The following CNTN6 variants were observed in gnomAD, a reference collection of about 807,000 sequenced individuals.
CNTN6 encodes the protein contactin-6.
A neutral mutation model predicts 122.8 loss-of-function variants in CNTN6; 137 were observed. The ratio of observed to expected loss-of-function variants is 1.12; its 90% confidence interval spans 0.97 to 1.29. The LOEUF (loss-of-function observed/expected upper bound fraction) is 1.29. Among genes scored for constraint, CNTN6 ranks in the 50% most tolerant of loss-of-function variants. The pLI is 0.00. For synonymous variants in CNTN6, 570 were observed against 426.0 expected, an observed-to-expected ratio of 1.34 and a Z score of -4.16; for missense variants, 1,634 against 1,223.4, an observed-to-expected ratio of 1.34 and a Z score of -5.01.
intron 3 of CNTN6, among the ~76,000 whole-genome samples, chr3:1,227,394 C>T (rs758911941): frequency 8.5e-5 from 13 of 152,188 alleles, no homozygotes; most frequent in East Asian, 3.9e-4. Flanking sequence ...TTATGCTTGC[C>T]GCTTTCAATA....
intron 4 of CNTN6, among the ~76,000 whole-genome samples, chr3:1,245,295 C>A (rs1389485637): frequency 7.9e-4 from 3 of 3,804 alleles, no homozygotes; most frequent in Non-Finnish European, 1.4e-3. Context: ...ATATATATAA[C>A]ATATATATAT....
rs1468892525 is a variant in CNTN6 at position 1,098,795 on chromosome 3, T to C, written c.-83+5675T>C. Among the ~76,000 whole-genome samples, 37 of 103,514 alleles carry C rather than the reference T, an allele frequency of 3.6e-4. No homozygotes were observed. The African/African-American group carries it at 4.8e-3, about 13-fold the overall frequency. The allele number at this position is 103,514 out of a possible 152,430, so 67.9% of individuals were successfully genotyped here. Reference sequence around the variant, plus strand: ...ACACACACACACACACACACATATATATATATATATATATATATATATAGT... The same window carrying C: ...ACACACACACACACACACACATATACATATATATATATATATATATATAGT... On this transcript the variant is annotated intron_variant, in intron 1 of 22. Coordinates refer to ENST00000446702, the MANE Select transcript of CNTN6 (RefSeq NM_001289080.2).
At chr3:1,100,857 A>G (rs1358727506) in intron 1 of CNTN6, among the ~76,000 whole-genome samples, 1 of 152,004 alleles carries the variant, frequency 6.6e-6, no homozygotes, top group Non-Finnish European at 1.5e-5. Flanking sequence ...TTTATTTTAG[A>G]TTGTGATTGT....
At chr3:1,140,408 T>C (rs1391988984) in intron 1 of CNTN6, among the ~76,000 whole-genome samples, 1 of 152,200 alleles carries the variant, frequency 6.6e-6, no homozygotes, top group African/African-American at 2.4e-5. Flanking sequence ...CAGGTCTCGT[T>C]CTAGGTCATG....
chr3:1,315,194 T>C (rs1699924309), intron 7 of CNTN6, among the ~76,000 whole-genome samples: 1 of 152,052 alleles, frequency 6.6e-6, no homozygotes, highest in Non-Finnish European at 1.5e-5. Flanking sequence ...CATGGTGTTC[T>C]TTATCTGATT....
At position 1,388,311 on chromosome 3, in the gene CNTN6, T is replaced by A. The variant is rs1298156343; in HGVS notation, c.2704+2514T>A. Among the ~76,000 whole-genome samples the A allele has an allele frequency of 1.6e-3, 230 of 146,552 alleles. 6 individuals carry two copies. The highest frequency in any genetic ancestry group is 4.7e-3 in the South Asian group (21 of 4,502). On this transcript the variant is annotated intron_variant, in intron 20 of 22. Coordinates refer to ENST00000446702, the MANE Select transcript of CNTN6 (RefSeq NM_001289080.2). ...CCCCCAGCAGGGGCACACTGACACC[T>A]CACACGGCAGGGTATGCCAACAGAC...
chr3:1,190,754 A>G (rs1174124935), intron 2 of CNTN6, among the ~76,000 whole-genome samples: 1 of 152,112 alleles, frequency 6.6e-6, no homozygotes. Flanking sequence ...GACCAACCAT[A>G]TATCACCTTC....
At chr3:1,195,939 G>T (rs1461288636) in intron 2 of CNTN6, among the ~76,000 whole-genome samples, 5 of 151,962 alleles carry the variant, frequency 3.3e-5, no homozygotes, top group Non-Finnish European at 7.4e-5. Flanking sequence ...CTAACACAAG[G>T]CTTGCACAAA....
At chr3:1,095,287 A>G (rs954761770) in intron 1 of CNTN6, among the ~76,000 whole-genome samples, 1 of 152,138 alleles carries the variant, frequency 6.6e-6, no homozygotes, top group African/African-American at 2.4e-5. Context: ...CCTGGCCAAC[A>G]TGGTGAAACC....
At chr3:1,399,261 CTG>C (rs1695370815) in intron 20 of CNTN6, among the ~76,000 whole-genome samples, 1 of 151,970 alleles carries the variant, frequency 6.6e-6, no homozygotes, top group South Asian at 2.1e-4. Context: ...TTGCAATATC[CTG>C]TGAGAATTTT....
intron 7 of CNTN6, among the ~76,000 whole-genome samples, chr3:1,315,751 G>A (rs963880944): frequency 6.6e-6 from 1 of 151,846 alleles, no homozygotes; most frequent in South Asian, 2.1e-4. Flanking sequence ...ACACATCCAT[G>A]TCTCACCTGA....
intron 7 of CNTN6, among the ~76,000 whole-genome samples, chr3:1,311,687 C>T (rs908522099): frequency 2.0e-5 from 3 of 151,190 alleles, no homozygotes; most frequent in Non-Finnish European, 4.4e-5. Context: ...CTTAATTTCT[C>T]CCCCAAAGGA....
intron 22 of CNTN6, 192 bp downstream of exon 22, chr3:1,402,678 T>C (rs1400267490): frequency 6.9e-6 from 3 of 436,758 alleles, no homozygotes; most frequent in Admixed American, 7.9e-5. Flanking sequence ...TAAATGGTTT[T>C]ATGCTTCCTC....
At chr3:1,383,493 C>A in intron 19 of CNTN6, 85 bp downstream of exon 19, 2 of 983,232 alleles carry the variant, frequency 2.0e-6, no homozygotes, top group Non-Finnish European at 1.6e-6. Flanking sequence ...ATCCTACTAG[C>A]CTGTTGTTAG....
intron 21 of CNTN6, among the ~76,000 whole-genome samples, chr3:1,402,060 C>T (rs1284080743): frequency 6.6e-6 from 1 of 151,610 alleles, no homozygotes; most frequent in Non-Finnish European, 1.5e-5. Flanking sequence ...CAGCAAGCTC[C>T]AATGATAATA....
intron 2 of CNTN6, among the ~76,000 whole-genome samples, chr3:1,209,609 T>A (rs2094005586): frequency 6.6e-6 from 1 of 152,182 alleles, no homozygotes; most frequent in African/African-American, 2.4e-5. Flanking sequence ...TATTATCAAA[T>A]GATTATTACA....
At chr3:1,218,974 AAAG>A (rs2094167504) in intron 2 of CNTN6, among the ~76,000 whole-genome samples, 1 of 139,758 alleles carries the variant, frequency 7.2e-6, no homozygotes, top group African/African-American at 3.0e-5. Context: ...GGAAGAATTC[AAAG>A]AAGGGTAAGG....
chr3:1,272,362 G>C (rs2095041100), intron 4 of CNTN6, among the ~76,000 whole-genome samples: 1 of 152,212 alleles, frequency 6.6e-6, no homozygotes, highest in Non-Finnish European at 1.5e-5. Flanking sequence ...CTAAATGAAA[G>C]TGACAATGGT....
intron 5 of CNTN6, among the ~76,000 whole-genome samples, chr3:1,290,556 T>A (rs1695157222): frequency 6.6e-6 from 1 of 152,094 alleles, no homozygotes; most frequent in Non-Finnish European, 1.5e-5. Flanking sequence ...CATGAGAGGG[T>A]TCTTGGATCT....
Sources: gnomAD v4.1 joint callset for allele counts (sites outside exome capture counted in the v4.1 genomes callset) on GRCh38, gnomAD v4.1.1 for gene constraint, MANE v1.5 for transcripts, NCBI Gene and HGNC (gene_info 2026-07-23, HGNC 2026-07-21) for gene names.